Variants in PTGIS observed in about 807,000 individuals in gnomAD.
PTGIS encodes the protein prostaglandin I2 synthase.
In PTGIS, 45 loss-of-function variants were observed where a neutral mutation model predicts 50.3. The observed-to-expected ratio is 0.90, with a 90% CI of 0.70 to 1.15. The LOEUF is 1.15. PTGIS is among the 50% of genes most tolerant of loss of function. The pLI is 0.00. For synonymous variants in PTGIS, 260 were observed against 267.7 expected (o/e 0.97, Z 0.28); for missense variants, 668 against 661.3 (o/e 1.01, Z -0.11).
rs916028627 is a variant in PTGIS at position 49,540,508 on chromosome 20, C to T, written c.522-787G>A. Among the ~76,000 whole-genome samples, 1 of 152,060 alleles carries T rather than the reference C, an allele frequency of 6.6e-6. No homozygotes were observed. The highest frequency in any genetic ancestry group is 2.4e-5 in the African/African-American group (1 of 41,388). ...GAGGGCCTGGGCTGTCAGGGCTGGC[C>T]ACGCAAGGCAGGCATTTGCAGCAGT... On this transcript the variant is annotated intron_variant, in intron 4 of 9. Transcript: ENST00000244043. The surrounding 1 kb of genome is among the most constrained non-coding windows in gnomAD (Gnocchi z 4.8).
intron 1 of PTGIS, among the ~76,000 whole-genome samples, chr20:49,558,965 C>T (rs139061169): frequency 9.6e-4 from 146 of 152,074 alleles, no homozygotes; most frequent in Middle Eastern, 3.4e-3. Context: ...CACCTGCCTC[C>T]GCTTCACCAA....
intron 5 of PTGIS, among the ~76,000 whole-genome samples, chr20:49,537,908 A>C (rs753049210): frequency 6.6e-6 from 1 of 152,198 alleles, no homozygotes; most frequent in African/African-American, 2.4e-5. Flanking sequence ...CCAGGAATGG[A>C]TAAACAAATT....
intron 1 of PTGIS, among the ~76,000 whole-genome samples, chr20:49,566,125 G>A (rs1338051845): frequency 2.6e-5 from 4 of 152,208 alleles, no homozygotes; most frequent in Admixed American, 2.6e-4. Context: ...AGCTACTGGG[G>A]AGGCTGAGGC....
rs767422720 is a variant in PTGIS, at chr20:49,547,972, G to A, written c.246C>T (p.Ser82=). ...RYVTVLLDPH[S]YDAVVWEPRT... The stretch of plus-strand genomic sequence containing the variant: ...GAGGCTCCCACACCACCGCGTCGTA[G>A]GAGTGTGGGTCCAGGAGAACGGTGA... The change falls in exon 3 of 10, where the codon TCC becomes TCT. Residue 82 remains serine, a synonymous_variant. Coordinates refer to ENST00000244043, the MANE Select transcript of PTGIS (RefSeq NM_000961.4). The A allele has an allele frequency of 1.2e-6, 2 of 1,614,122 alleles. No homozygotes were observed. The highest frequency in any genetic ancestry group is 1.7e-6 in the Non-Finnish European group (2 of 1,180,016).
At chr20:49,557,913 G>A (rs570022) in intron 1 of PTGIS, among the ~76,000 whole-genome samples, 17 of 152,098 alleles carry the variant, frequency 1.1e-4, no homozygotes, top group East Asian at 9.7e-4. Context: ...CCTTTCCCCC[G>A]CTTTAAGTAT....
In PTGIS at chr20:49,507,722, T is replaced by C. The variant is rs994624670; in HGVS notation, c.*198A>G. ...AGAAAACTTTGCAGTGGATAATCCA[T>C]AGAGCTTTCAATGTCTTTTCTTTGT... On this transcript the variant is annotated 3_prime_UTR_variant, in exon 10 of 10. Transcript: ENST00000244043. 29 of 731,168 alleles carry C rather than the reference T, an allele frequency of 4.0e-5. No homozygotes were observed. The African/African-American group carries it at 4.7e-4, about 12-fold the overall frequency. The allele number at this position is 731,168 out of a possible 1,614,324, so 45.3% of individuals were successfully genotyped here.
chr20:49,533,856 G>A (rs1981998361), intron 5 of PTGIS, among the ~76,000 whole-genome samples: 1 of 152,106 alleles, frequency 6.6e-6, no homozygotes, highest in Non-Finnish European at 1.5e-5. Context: ...AGCTACTCGG[G>A]GGGCTGAGGC....
chr20:49,524,012 C>G, intron 6 of PTGIS, 46 bp downstream of exon 6: 1 of 1,609,124 alleles, frequency 6.2e-7, no homozygotes, highest in East Asian at 2.2e-5. Flanking sequence ...CATATCGCAA[C>G]CACACATGCA....
At chr20:49,521,846 G>T (rs1280510035) in intron 6 of PTGIS, among the ~76,000 whole-genome samples, 1 of 152,118 alleles carries the variant, frequency 6.6e-6, no homozygotes, top group African/African-American at 2.4e-5. Context: ...AGCATGGAAG[G>T]CTACCATCTT....
chr20:49,548,521 T>G (rs1982423556), intron 2 of PTGIS, among the ~76,000 whole-genome samples: 1 of 151,030 alleles, frequency 6.6e-6, no homozygotes. Context: ...GATGGATGGA[T>G]AAGTAGATGG....
At chr20:49,541,101 A>C (rs540264686) in intron 4 of PTGIS, among the ~76,000 whole-genome samples, 2 of 152,342 alleles carry the variant, frequency 1.3e-5, no homozygotes, top group African/African-American at 4.8e-5. Context: ...TGTTTTATCA[A>C]GGGAGTTCCT....
intron 1 of PTGIS, among the ~76,000 whole-genome samples, chr20:49,550,580 C>A (rs1697010883): frequency 6.6e-6 from 1 of 152,152 alleles, no homozygotes; most frequent in South Asian, 2.1e-4. Context: ...GAAGGGACTC[C>A]ATGTAGGTGG....
chr20:49,547,810 C>T (rs1410502123), intron 3 of PTGIS, 31 bp downstream of exon 3: 1 of 1,612,930 alleles, frequency 6.2e-7, no homozygotes, highest in East Asian at 2.2e-5. Context: ...CCACCCTGGC[C>T]CTCCCACAGG....
At chr20:49,534,139 C>T (rs546465811) in intron 5 of PTGIS, among the ~76,000 whole-genome samples, 1 of 152,038 alleles carries the variant, frequency 6.6e-6, no homozygotes, top group African/African-American at 2.4e-5. Context: ...TTTAATCAGC[C>T]CTTACTGATG....
In PTGIS at chr20:49,507,932, G is replaced by A. The variant is rs563182215; in HGVS notation, c.1491C>T (p.Arg497=). 1 of 1,612,526 alleles carries A rather than the reference G, an allele frequency of 6.2e-7. No individual in the cohort carries two copies. The highest frequency in any genetic ancestry group is 2.2e-5 in the East Asian group (1 of 44,882). Residue 497 remains arginine, a synonymous_variant, in exon 10 of 10, where the codon CGC becomes CGT. Coordinates refer to ENST00000244043, the MANE Select transcript of PTGIS (RefSeq NM_000961.4). ...QPEHDVPVRY[R]IRP The stretch of plus-strand genomic sequence containing the variant: ...TCTGCTCCCTGTGTCATGGGCGGAT[G>A]CGGTAGCGGACGGGCACGTCGTGTT...
chr20:49,534,281 T>G (rs1287810620), intron 5 of PTGIS, among the ~76,000 whole-genome samples: 1 of 152,242 alleles, frequency 6.6e-6, no homozygotes, highest in Non-Finnish European at 1.5e-5. Context: ...CAAAGGAATG[T>G]GCATTTTATT....
At chr20:49,529,379 C>T (rs1203973639) in intron 5 of PTGIS, among the ~76,000 whole-genome samples, 4 of 152,152 alleles carry the variant, frequency 2.6e-5, no homozygotes, top group Admixed American at 2.0e-4. Context: ...CTGTGTCTGG[C>T]TTATTTCACT....
chr20:49,525,683 G>C (rs1489987240), intron 5 of PTGIS, among the ~76,000 whole-genome samples: 1 of 151,122 alleles, frequency 6.6e-6, no homozygotes, highest in Non-Finnish European at 1.5e-5. Context: ...CAAATATAAA[G>C]TTTAAAACAA....
chr20:49,517,511 A>C (rs73263224), intron 6 of PTGIS, among the ~76,000 whole-genome samples: 1 of 152,000 alleles, frequency 6.6e-6, no homozygotes, highest in African/African-American at 2.4e-5. Flanking sequence ...TGAATTTGCC[A>C]CCCTGGAATT....
Sources: allele counts gnomAD v4.1 joint callset (sites outside exome capture counted in the v4.1 genomes callset), GRCh38; gene constraint gnomAD v4.1.1; non-coding constraint Gnocchi (gnomAD v3.1); transcripts MANE v1.5; gene names NCBI Gene and HGNC (gene_info 2026-07-23, HGNC 2026-07-21).